Variants in SRSF4 observed in about 807,000 individuals in gnomAD.
SRSF4 encodes the protein serine/arginine-rich splicing factor 4.
Under a neutral mutation model 48.8 loss-of-function variants are expected in SRSF4, and 12 were observed. That is an observed-to-expected ratio of 0.25 (90% CI 0.16 to 0.40). The LOEUF (loss-of-function observed/expected upper bound fraction) is 0.40. Among genes scored for constraint, SRSF4 ranks in the 10% least tolerant of loss-of-function variants. The pLI, the probability that SRSF4 is intolerant of heterozygous loss-of-function variation, is 1.00. For missense variants in SRSF4, 466 were observed against 667.1 expected, an observed-to-expected ratio of 0.70 and a Z score of 3.32; for synonymous variants, 248 against 232.5, an observed-to-expected ratio of 1.07 and a Z score of -0.61.
intron 1 of SRSF4, among the ~76,000 whole-genome samples, chr1:29,174,565 T>G (rs1672806070): frequency 6.6e-6 from 1 of 151,718 alleles, no homozygotes. Context: ...ATCAGGCTGT[T>G]AGGGTGAAAC....
intron 1 of SRSF4, among the ~76,000 whole-genome samples, chr1:29,177,141 AAAAAAT>A (rs1672880199): frequency 6.6e-6 from 1 of 152,204 alleles, no homozygotes; most frequent in Non-Finnish European, 1.5e-5. Context: ...GGCTTATTAT[AAAAAAT>A]AAAATCTATA....
At chr1:29,168,879 G>C (rs1237244821) in intron 1 of SRSF4, 1 of 152,172 alleles carries the variant, frequency 6.6e-6, no homozygotes. Flanking sequence ...ATATAAGCGT[G>C]AATGGTAGGA....
At chr1:29,157,941 A>G (rs1672526171) in intron 3 of SRSF4, among the ~76,000 whole-genome samples, 1 of 152,158 alleles carries the variant, frequency 6.6e-6, no homozygotes, top group Non-Finnish European at 1.5e-5. Context: ...AGGCCAAGGC[A>G]GGTGGATCAC....
At chr1:29,175,694 CAAAAAAAAAA>C (rs60942124) in intron 1 of SRSF4, among the ~76,000 whole-genome samples, 14 of 38,588 alleles carry the variant, frequency 3.6e-4, no homozygotes, top group South Asian at 2.2e-3. Context: ...GACGCTGTCT[CAAAAAAAAAA>C]AAAAAAAAAA....
At chr1:29,174,675 G>T (rs1168531582) in intron 1 of SRSF4, among the ~76,000 whole-genome samples, 2 of 130,702 alleles carry the variant, frequency 1.5e-5, no homozygotes, top group East Asian at 2.3e-4. Context: ...CAGGAGATAG[G>T]TTTTTTTTTT....
rs781442143 is a variant in SRSF4, at chr1:29,159,495, G to A, written c.251-9C>T. On this transcript the variant is annotated splice_polypyrimidine_tract_variant and intron_variant, in intron 2 of 5. Transcript: ENST00000373795. ...TCTATAACCATATCCACCTTTGGAA[G>A]GTTCAAATAAATAAGATTATTTCAG... 1.9e-5 allele frequency: 30 copies of A among 1,596,924 alleles called. No homozygotes were observed. The Admixed American group carries it at 5.1e-4, about 27-fold the overall frequency.
chr1:29,158,434 T>C (rs199932459), intron 3 of SRSF4, among the ~76,000 whole-genome samples: 720 of 55,544 alleles, frequency 0.013, 4 homozygotes, highest in African/African-American at 0.037. Context: ...CTTGTAACCC[T>C]TTTTTTTTTT....
At chr1:29,181,487 G>A (rs1672956222) in intron 1 of SRSF4, among the ~76,000 whole-genome samples, 159 bp downstream of exon 1, 1 of 152,178 alleles carries the variant, frequency 6.6e-6, no homozygotes, top group African/African-American at 2.4e-5. Flanking sequence ...GTGGGAACCG[G>A]GGCCTACCCG....
chr1:29,180,875 C>T (rs1302352804), intron 1 of SRSF4, among the ~76,000 whole-genome samples: 1 of 152,234 alleles, frequency 6.6e-6, no homozygotes, highest in African/African-American at 2.4e-5. Flanking sequence ...AATTTCGTCT[C>T]CGTCTGCGTT....
chr1:29,154,047 C>T (rs555699224), intron 4 of SRSF4, among the ~76,000 whole-genome samples: 5 of 151,572 alleles, frequency 3.3e-5, no homozygotes, highest in East Asian at 2.0e-4. Flanking sequence ...CAGGTACGTG[C>T]GCCACCACAC....
In SRSF4 at chr1:29,148,332, T is replaced by C; in HGVS notation, c.*78A>G. ...AAAAATGTACAGCAGTGACATGTTC[T>C]ACTCCAATCACTTGTGCTACGGCTA... On this transcript the variant is annotated 3_prime_UTR_variant, in exon 6 of 6. Coordinates refer to ENST00000373795, the MANE Select transcript of SRSF4 (RefSeq NM_005626.5). The C allele has an allele frequency of 1.3e-6, 2 of 1,514,550 alleles. No individual in the cohort carries two copies. The highest frequency in any genetic ancestry group is 2.5e-5 in the South Asian group (2 of 79,096). The allele number at this position is 1,514,550 out of a possible 1,614,324, so 93.8% of individuals were successfully genotyped here.
At chr1:29,151,768 A>C (rs963305941) in intron 4 of SRSF4, among the ~76,000 whole-genome samples, 1 of 152,240 alleles carries the variant, frequency 6.6e-6, no homozygotes, top group African/African-American at 2.4e-5. Context: ...TCTTGGAGAC[A>C]CATGCTGAAG....
intron 3 of SRSF4, among the ~76,000 whole-genome samples, chr1:29,158,346 A>G (rs1032921194): frequency 2.6e-5 from 4 of 152,156 alleles, no homozygotes. Context: ...GTGAATTTGC[A>G]TGTTATAGCA....
intron 1 of SRSF4, 51 bp downstream of exon 1, chr1:29,181,595 C>T: frequency 1.4e-6 from 2 of 1,467,706 alleles, no homozygotes; most frequent in East Asian, 2.7e-5. Context: ...GCCTCCCCAC[C>T]ACCTATGGGG....
chr1:29,180,047 G>A lies in SRSF4; in HGVS notation c.107+1599C>T, dbSNP rs565129849. ...TTTCCTCATCCCTCTGATTATAGCT[G>A]CCACTTACTGCCTAAGCCAAATGCT... On this transcript the variant is annotated intron_variant, in intron 1 of 5. Transcript: ENST00000373795. 7.9e-5 allele frequency among the ~76,000 whole-genome samples: 12 copies of A among 152,344 alleles called. No homozygotes were observed. In the South Asian group the frequency reaches 2.5e-3, roughly 32 times the overall value.
intron 5 of SRSF4, among the ~76,000 whole-genome samples, chr1:29,149,460 C>T (rs749253356): frequency 3.9e-5 from 6 of 152,018 alleles, no homozygotes; most frequent in African/African-American, 9.7e-5. Flanking sequence ...GCAGGCGGAT[C>T]GCGAGGTCAG....
At chr1:29,162,454 G>A (rs1311963281) in intron 1 of SRSF4, among the ~76,000 whole-genome samples, 1 of 151,994 alleles carries the variant, frequency 6.6e-6, no homozygotes, top group Non-Finnish European at 1.5e-5. Context: ...TTCTTTTAAG[G>A]CAAATAAAAA....
At position 29,181,874 on chromosome 1, in the gene SRSF4, G is replaced by T. The variant is rs1386541869; in HGVS notation, c.-122C>A. ...GGCGGGCGGCGGGACGGACGCAGCC[G>T]AACCCCGGCGACGTACGCGAGCACG... On this transcript the variant is annotated 5_prime_UTR_variant, in exon 1 of 6. Transcript: ENST00000373795. The T allele has an allele frequency of 3.3e-5, 23 of 707,032 alleles. No homozygotes were observed. Among genetic ancestry groups the T allele is most frequent in the Admixed American group, 4.4e-5 (1 of 22,524 alleles). The allele number at this position is 707,032 out of a possible 1,614,324, so 43.8% of individuals were successfully genotyped here.
intron 4 of SRSF4, among the ~76,000 whole-genome samples, chr1:29,153,600 ATTT>A (rs113402257): frequency 1.5e-5 from 2 of 133,028 alleles, no homozygotes. Flanking sequence ...TCTGATTTCC[ATTT>A]TTTTTTTTTT....
Sources: gnomAD v4.1 joint callset for allele counts (sites outside exome capture counted in the v4.1 genomes callset) on GRCh38, gnomAD v4.1.1 for gene constraint, MANE v1.5 for transcripts, NCBI Gene and HGNC (gene_info 2026-07-23, HGNC 2026-07-21) for gene names.